ERBIN: variants seen among roughly 807,000 people sequenced by gnomAD.
The protein encoded by ERBIN is densin-180-like protein.
In ERBIN, 60 loss-of-function variants were observed where a neutral mutation model predicts 158.4. That is an observed-to-expected ratio of 0.38 (90% CI 0.31 to 0.47). The LOEUF is 0.47. Ranked by LOEUF, ERBIN falls within the 20% of genes least tolerant of loss-of-function variation. The pLI is 0.99. For missense variants in ERBIN, 1,610 were observed against 1,648.0 expected (o/e 0.98, Z 0.40); for synonymous variants, 594 against 557.2 (o/e 1.07, Z -0.93).
At chr5:66,018,981 G>T (rs1174542956) in intron 7 of ERBIN, among the ~76,000 whole-genome samples, 2 of 152,018 alleles carry the variant, frequency 1.3e-5, no homozygotes, top group Non-Finnish European at 2.9e-5. Flanking sequence ...ATGCTTTCTT[G>T]ATTTTTCAGA....
chr5:65,941,786 G>C (rs1366840649), intron 1 of ERBIN, among the ~76,000 whole-genome samples: 1 of 151,926 alleles, frequency 6.6e-6, no homozygotes, highest in Non-Finnish European at 1.5e-5. Flanking sequence ...TGTCGCCCAG[G>C]CTGGAGTGCA....
At chr5:66,070,130 C>T (rs544966831) in intron 21 of ERBIN, among the ~76,000 whole-genome samples, 30 of 152,114 alleles carry the variant, frequency 2.0e-4, no homozygotes, top group African/African-American at 6.8e-4. Context: ...CTGCAACCTC[C>T]GCCTCCCGAG....
chr5:66,028,384 G>A (rs1466838331), intron 14 of ERBIN, 41 bp downstream of exon 14: 2 of 1,536,562 alleles, frequency 1.3e-6, no homozygotes, highest in African/African-American at 2.7e-5. Flanking sequence ...GTTCTTATTT[G>A]TGTTATATAG....
intron 7 of ERBIN, among the ~76,000 whole-genome samples, chr5:66,019,227 G>A (rs1755426751): frequency 6.6e-6 from 1 of 151,878 alleles, no homozygotes; most frequent in South Asian, 2.1e-4. Context: ...TTATAACTTT[G>A]AGACCTCACA....
At chr5:66,026,082 T>G in intron 12 of ERBIN, 105 bp downstream of exon 12, 1 of 1,043,442 alleles carries the variant, frequency 9.6e-7, no homozygotes. Context: ...TCTAAAATAG[T>G]TTTCAAGTTA....
intron 1 of ERBIN, among the ~76,000 whole-genome samples, chr5:65,974,379 T>C (rs1358268867): frequency 6.6e-6 from 1 of 152,228 alleles, no homozygotes; most frequent in African/African-American, 2.4e-5. Flanking sequence ...AAGCATAGGT[T>C]GGTAGTGAGG....
At chr5:65,928,141 C>T (rs1580031531) in intron 1 of ERBIN, among the ~76,000 whole-genome samples, 1 of 152,042 alleles carries the variant, frequency 6.6e-6, no homozygotes, top group South Asian at 2.1e-4. Flanking sequence ...ACAATTTGTT[C>T]TTTGCTACTT....
chr5:66,070,005 C>T (rs148394543), intron 21 of ERBIN, among the ~76,000 whole-genome samples: 28 of 152,188 alleles, frequency 1.8e-4, no homozygotes, highest in Non-Finnish European at 2.9e-4. Flanking sequence ...GCAGCAGTTA[C>T]GTTGAAACCT....
At chr5:66,043,423 A>G (rs984473393) in intron 16 of ERBIN, among the ~76,000 whole-genome samples, 1 of 152,180 alleles carries the variant, frequency 6.6e-6, no homozygotes, top group Non-Finnish European at 1.5e-5. Flanking sequence ...ATATAAATAT[A>G]AGAGGAAAAC....
chr5:66,023,462 A>T, intron 9 of ERBIN, 98 bp downstream of exon 9: 1 of 666,138 alleles, frequency 1.5e-6, no homozygotes, highest in Non-Finnish European at 2.5e-6. Flanking sequence ...TTAATAAAAA[A>T]ATTGAATTAT....
At chr5:66,027,520 T>A (rs972541391) in intron 13 of ERBIN, among the ~76,000 whole-genome samples, 5 of 152,014 alleles carry the variant, frequency 3.3e-5, no homozygotes, top group African/African-American at 1.2e-4. Flanking sequence ...TCAGAAATAT[T>A]TGGAAAAAAA....
At chr5:66,005,745 T>C (rs192345443) in intron 4 of ERBIN, among the ~76,000 whole-genome samples, 16 of 152,318 alleles carry the variant, frequency 1.1e-4, no homozygotes, top group African/African-American at 2.4e-4. Flanking sequence ...GGCATTCTTA[T>C]ACACCAGTAA....
chr5:65,995,150 G>A (rs887832721), intron 4 of ERBIN, among the ~76,000 whole-genome samples: 7 of 152,176 alleles, frequency 4.6e-5, no homozygotes, highest in Admixed American at 2.0e-4. Flanking sequence ...GAGAATAAAT[G>A]TAAGGGATTT....
chr5:66,028,832 TTTACTC>T (rs1185184842), intron 14 of ERBIN, among the ~76,000 whole-genome samples: 2 of 152,144 alleles, frequency 1.3e-5, no homozygotes, highest in African/African-American at 4.8e-5. Context: ...AATCCACCAT[TTTACTC>T]TTAGTTTCTA....
intron 7 of ERBIN, among the ~76,000 whole-genome samples, chr5:66,020,899 A>G (rs929216403): frequency 3.9e-5 from 6 of 151,986 alleles, no homozygotes; most frequent in Admixed American, 1.3e-4. Flanking sequence ...TCGGAGTTAC[A>G]GTTATCTTAA....
intron 11 of ERBIN, 36 bp downstream of exon 11, chr5:66,025,588 T>A: frequency 6.8e-7 from 1 of 1,474,260 alleles, no homozygotes; most frequent in Non-Finnish European, 9.4e-7. Context: ...CCTCGAAGAT[T>A]TTACTTTCAG....
chr5:66,037,331 G>T (rs896962234), intron 14 of ERBIN, among the ~76,000 whole-genome samples: 2 of 152,026 alleles, frequency 1.3e-5, no homozygotes, highest in Non-Finnish European at 2.9e-5. Context: ...AAAGGAAAAG[G>T]AATTTAAATC....
At chr5:65,941,450 A>T (rs2150884804) in intron 1 of ERBIN, among the ~76,000 whole-genome samples, 1 of 152,290 alleles carries the variant, frequency 6.6e-6, no homozygotes, top group East Asian at 1.9e-4. Context: ...TAGGTTATAT[A>T]CAAATACAAC....
intron 21 of ERBIN, among the ~76,000 whole-genome samples, chr5:66,063,010 C>T (rs1760586717): frequency 6.6e-6 from 1 of 152,246 alleles, no homozygotes; most frequent in South Asian, 2.1e-4. Flanking sequence ...AGGAGGCAGT[C>T]TGCCTGTTCT....
Sources: allele counts gnomAD v4.1 joint callset (sites outside exome capture counted in the v4.1 genomes callset), GRCh38; gene constraint gnomAD v4.1.1; transcripts MANE v1.5; gene names NCBI Gene and HGNC (gene_info 2026-07-23, HGNC 2026-07-21).